COMT: variants seen among roughly 807,000 people sequenced by gnomAD.
COMT encodes catechol-O-methyltransferase.
In COMT, 13 loss-of-function variants were observed where a neutral mutation model predicts 18.9. The observed-to-expected ratio is 0.69, with a 90% CI of 0.45 to 1.09. The LOEUF (loss-of-function observed/expected upper bound fraction) is 1.09, where lower values mean the gene tolerates loss of function less well. Among genes scored for constraint, COMT ranks in the 50% least tolerant of loss-of-function variants. The pLI is 0.00. For synonymous variants in COMT, 150 were observed against 160.9 expected (o/e 0.93, Z 0.51); for missense variants, 329 against 361.8 (o/e 0.91, Z 0.73).
intron 1 of COMT, among the ~76,000 whole-genome samples, chr22:19,952,200 A>G (rs977223138): frequency 1.3e-5 from 2 of 152,244 alleles, no homozygotes; most frequent in Non-Finnish European, 2.9e-5. Flanking sequence ...CCAGTTACTC[A>G]GGAGGCTGAA....
intron 1 of COMT, among the ~76,000 whole-genome samples, chr22:19,954,541 C>T (rs992217755): frequency 1.1e-3 from 162 of 152,318 alleles, no homozygotes; most frequent in African/African-American, 3.7e-3. Context: ...CAACCTCCAC[C>T]TCCCGAGTTC....
At chr22:19,958,741 A>AC in intron 1 of COMT, among the ~76,000 whole-genome samples, 1 of 149,908 alleles carries the variant, frequency 6.7e-6, no homozygotes, top group Non-Finnish European at 1.5e-5. Flanking sequence ...AAAAAAAAAA[A>AC]AGCTGGGTGT....
At chr22:19,964,883 C>T (rs570974363) in intron 5 of COMT, 1 of 239,536 alleles carries the variant, frequency 4.2e-6, no homozygotes, top group Admixed American at 5.1e-5. Context: ...AGCCTCACAT[C>T]AGTGACACAC....
chr22:19,955,052 ATGGACGACATGGTGCAAT>A (rs1190781533), intron 1 of COMT, among the ~76,000 whole-genome samples: 2 of 152,096 alleles, frequency 1.3e-5, no homozygotes, highest in East Asian at 3.9e-4. Flanking sequence ...GTCGCCCAGG[ATGGACGACATGGTGCAAT>A]CATGGCTCAC....
At chr22:19,953,375 C>T (rs142426081) in intron 1 of COMT, among the ~76,000 whole-genome samples, 20 of 152,282 alleles carry the variant, frequency 1.3e-4, no homozygotes, top group African/African-American at 4.6e-4. Flanking sequence ...ACTGCAACAA[C>T]CTCCACCTCC....
intron 1 of COMT, among the ~76,000 whole-genome samples, chr22:19,955,401 C>T (rs1180146080): frequency 6.6e-6 from 1 of 152,342 alleles, no homozygotes; most frequent in East Asian, 1.9e-4. Flanking sequence ...TACTGGCTCT[C>T]CCTGGATTAC....
intron 1 of COMT, among the ~76,000 whole-genome samples, chr22:19,948,001 C>G (rs1351648185): frequency 6.6e-6 from 1 of 152,130 alleles, no homozygotes; most frequent in African/African-American, 2.4e-5. Flanking sequence ...TCACCGTGTC[C>G]CTTCAGCTCT....
chr22:19,963,818 G>C, intron 4 of COMT, 59 bp downstream of exon 4: 14 of 1,545,782 alleles, frequency 9.1e-6, no homozygotes, highest in Non-Finnish European at 1.2e-5. Context: ...GGCAGGGAGG[G>C]CATGCGCACT....
At chr22:19,945,127 G>A (rs759986775) in intron 1 of COMT, among the ~76,000 whole-genome samples, 6 of 152,112 alleles carry the variant, frequency 3.9e-5, no homozygotes, top group African/African-American at 9.7e-5. Context: ...AAAGCCTTTC[G>A]AGGTTAGGAA....
At position 19,950,121 on chromosome 22, in the gene COMT, T is replaced by C. The variant is rs35014456; in HGVS notation, c.-92+8224T>C. On this transcript the variant is annotated intron_variant, in intron 1 of 5. Coordinates refer to ENST00000361682, the MANE Select transcript of COMT (RefSeq NM_000754.4). ...AGTTACTGAAAACATCTTGTAAGCT[T>C]TTTTAGGCCAATATATTATCAAACG... 1.5e-4 allele frequency among the ~76,000 whole-genome samples: 23 copies of C among 152,178 alleles called. No individual in the cohort carries two copies. The East Asian group carries it at 4.0e-3, about 27-fold the overall frequency.
intron 1 of COMT, among the ~76,000 whole-genome samples, chr22:19,945,102 T>G (rs1941814945): frequency 6.6e-6 from 1 of 152,166 alleles, no homozygotes; most frequent in Non-Finnish European, 1.5e-5. Flanking sequence ...TAGGGAATCT[T>G]AGATTGAGCT....
In COMT at chr22:19,968,270, T is replaced by C. The variant is rs914491723; in HGVS notation, c.616-266T>C. Among the ~76,000 whole-genome samples, 3 of 152,176 alleles carry C rather than the reference T, an allele frequency of 2.0e-5. 1 individual carries two copies. Among genetic ancestry groups the C allele is most frequent in the Non-Finnish European group, 4.4e-5 (3 of 68,018 alleles). Reference sequence around the variant, plus strand: ...ACCTACTGTGTGCCACATGCTGTTCTAAGGGATGGATACTCCTGAGATGGA... The same window carrying C: ...ACCTACTGTGTGCCACATGCTGTTCCAAGGGATGGATACTCCTGAGATGGA... On this transcript the variant is annotated intron_variant, in intron 5 of 5. Transcript: ENST00000361682.
intron 5 of COMT, chr22:19,965,188 G>A (rs1421673605): frequency 6.5e-6 from 1 of 154,586 alleles, no homozygotes; most frequent in Non-Finnish European, 1.4e-5. Flanking sequence ...AGGGCACACA[G>A]GACTTTGGGC....
chr22:19,967,381 C>T (rs902227636), intron 5 of COMT: 1 of 483,840 alleles, frequency 2.1e-6, no homozygotes, highest in Admixed American at 2.4e-5. Flanking sequence ...TTTCAGCTGA[C>T]ATTGCTAGGA....
intron 5 of COMT, chr22:19,966,862 C>G (rs1194969331): frequency 1.2e-6 from 1 of 862,440 alleles, no homozygotes; most frequent in African/African-American, 1.8e-5. Flanking sequence ...GGAGGAGAGT[C>G]TAAGGAGGGT....
At chr22:19,957,786 C>T (rs1341939378) in intron 1 of COMT, among the ~76,000 whole-genome samples, 4 of 152,124 alleles carry the variant, frequency 2.6e-5, no homozygotes, top group African/African-American at 2.4e-5. Flanking sequence ...GTGGACCTCA[C>T]GGGGGTCTCA....
chr22:19,968,713 C>T lies in COMT; in HGVS notation c.793C>T (p.Pro265Ser). The change falls in exon 6 of 6, where the codon CCA becomes TCA. Residue 265 changes from proline to serine, a missense_variant. By Grantham distance (74) the Pro-to-Ser change is moderately conservative. Coordinates refer to ENST00000361682, the MANE Select transcript of COMT (RefSeq NM_000754.4). ...DGLEKAIYKG[P>S]GSEAGP The stretch of plus-strand genomic sequence containing the variant: ...CCTGGAGAAGGCCATCTACAAGGGC[C>T]CAGGCAGCGAAGCAGGGCCCTGACT... The T allele has an allele frequency of 6.2e-7, 1 of 1,611,912 alleles. No homozygotes were observed. The highest frequency in any genetic ancestry group is 8.5e-7 in the Non-Finnish European group (1 of 1,179,684).
chr22:19,959,462 TG>T (rs990728510), intron 1 of COMT, among the ~76,000 whole-genome samples: 2 of 151,910 alleles, frequency 1.3e-5, no homozygotes, highest in African/African-American at 2.4e-5. Context: ...CCCGGCCCAG[TG>T]GGCGGGGCCT....
chr22:19,964,574 G>C lies in COMT; in HGVS notation c.615+275G>C, dbSNP rs927846880. ...AGGTGCAAAATGGGTGGCAGAAGTG[G>C]GGTGCACACCCCAGACCAGACACCA... On this transcript the variant is annotated intron_variant, in intron 5 of 5. Transcript: ENST00000361682. The C allele has an allele frequency of 9.6e-6, 6 of 625,668 alleles. No homozygotes were observed. The African/African-American group carries it at 1.1e-4, about 11-fold the overall frequency. The allele number at this position is 625,668 out of a possible 1,614,324, so 38.8% of individuals were successfully genotyped here.
Sources: gnomAD v4.1 joint callset for allele counts (sites outside exome capture counted in the v4.1 genomes callset) on GRCh38, gnomAD v4.1.1 for gene constraint, MANE v1.5 for transcripts, NCBI Gene and HGNC (gene_info 2026-07-23, HGNC 2026-07-21) for gene names.